Variants in HYDIN observed in about 807,000 individuals in gnomAD.
HYDIN encodes the protein axonemal central pair apparatus protein HYDIN.
HYDIN carries 132 observed loss-of-function variants against 403.9 expected under a neutral mutation model. The ratio of observed to expected loss-of-function variants is 0.33; its 90% CI spans 0.28 to 0.38. The LOEUF is 0.38. Ranked by LOEUF, HYDIN falls within the 10% of genes least tolerant of loss-of-function variation. The pLI is 1.00. For missense variants in HYDIN, 2,827 were observed against 5,009.5 expected (o/e 0.56, Z 13.15); for synonymous variants, 1,202 against 1,891.7 (o/e 0.64, Z 9.46).
At chr16:70,852,456 G>T (rs1353853709) in intron 73 of HYDIN, among the ~76,000 whole-genome samples, 1 of 114,560 alleles carries the variant, frequency 8.7e-6, no homozygotes, top group African/African-American at 3.9e-5. Flanking sequence ...AGATAATTTG[G>T]ACTTCATCAA....
At chr16:71,218,286 A>G (rs1457170484) in intron 1 of HYDIN, among the ~76,000 whole-genome samples, 1 of 152,204 alleles carries the variant, frequency 6.6e-6, no homozygotes, top group East Asian at 1.9e-4. Flanking sequence ...GAGAAGGGAT[A>G]ACTACTCCAT....
rs2040637227 is a variant in HYDIN, at chr16:70,879,381, G to A, written c.10473C>T (p.Pro3491=). 14 of 1,570,276 alleles carry A rather than the reference G, an allele frequency of 8.9e-6. No homozygotes were observed. The highest frequency in any genetic ancestry group is 1.2e-5 in the Non-Finnish European group (14 of 1,141,890). ...RPVLHNQYGN[P]LLLFKRLLLG... ...GGAGAAGCCTCTTAAAGAGGAGCAA[G>A]GGGTTTCCATATTGGTTATGAAGAA... Residue 3491 remains proline, a synonymous_variant, in exon 62 of 86, where the codon CCC becomes CCT. Transcript: ENST00000393567.
rs546009269 is a variant in HYDIN at position 71,067,914 on chromosome 16, A to G, written c.1975-524T>C. 3.3e-5 allele frequency among the ~76,000 whole-genome samples: 5 copies of G among 152,250 alleles called. No individual in the cohort carries two copies. In the East Asian group the frequency reaches 7.7e-4, roughly 24 times the overall value. The stretch of plus-strand genomic sequence containing the variant: ...CATTCTTTATTACAGCAGAAAATAG[A>G]AAGTTCCAAAGAAAGGTCTATTTGA... On this transcript the variant is annotated intron_variant, in intron 14 of 85. Coordinates refer to ENST00000393567, the MANE Select transcript of HYDIN (RefSeq NM_001270974.2).
intron 18 of HYDIN, among the ~76,000 whole-genome samples, chr16:71,059,082 A>G (rs1156671201): frequency 2.0e-5 from 3 of 152,228 alleles, no homozygotes; most frequent in Non-Finnish European, 4.4e-5. Flanking sequence ...GTAGGCTGTT[A>G]GCAGATAAGT....
chr16:70,944,494 C>G (rs1175800822), intron 41 of HYDIN, among the ~76,000 whole-genome samples: 2 of 152,100 alleles, frequency 1.3e-5, no homozygotes, highest in African/African-American at 4.8e-5. Context: ...ATCTTGGGAG[C>G]AGAGCCTTTC....
intron 1 of HYDIN, among the ~76,000 whole-genome samples, chr16:71,205,821 G>A (rs961474687): frequency 1.3e-5 from 2 of 152,024 alleles, no homozygotes; most frequent in Non-Finnish European, 2.9e-5. Flanking sequence ...CCCTGCCACT[G>A]GTAGCCAAGT....
chr16:71,141,138 A>G (rs1429181619), intron 7 of HYDIN, among the ~76,000 whole-genome samples: 1 of 150,578 alleles, frequency 6.6e-6, no homozygotes, highest in African/African-American at 2.4e-5. Context: ...GTGCATGAAG[A>G]GACAGATCAG....
chr16:71,085,212 G>A (rs1437583935), intron 12 of HYDIN, among the ~76,000 whole-genome samples: 5 of 82,820 alleles, frequency 6.0e-5, no homozygotes, highest in African/African-American at 1.9e-4. Flanking sequence ...GAATTTACCA[G>A]TGAAGCCACT....
At chr16:71,217,567 T>G (rs1010286846) in intron 1 of HYDIN, among the ~76,000 whole-genome samples, 1 of 152,222 alleles carries the variant, frequency 6.6e-6, no homozygotes, top group Non-Finnish European at 1.5e-5. Flanking sequence ...AATGTCCTTT[T>G]GCTGCAAATA....
intron 41 of HYDIN, among the ~76,000 whole-genome samples, chr16:70,951,248 C>CAG (rs376262243): frequency 0.49 from 64,419 of 130,164 alleles, 16,739 homozygotes; most frequent in Admixed American, 0.6. Flanking sequence ...GGAAAAGGGA[C>CAG]AGAGAGAGAG....
chr16:71,179,119 C>T, intron 3 of HYDIN, 72 bp from the exon 4 acceptor site: 1 of 1,153,190 alleles, frequency 8.7e-7, no homozygotes, highest in Non-Finnish European at 1.2e-6. Flanking sequence ...TAAGAAAATA[C>T]TACGTAGACC....
rs567708866 is a variant in HYDIN at position 71,157,645 on chromosome 16, T to C, written c.717-4862A>G. On this transcript the variant is annotated intron_variant, in intron 6 of 85. Coordinates refer to ENST00000393567, the MANE Select transcript of HYDIN (RefSeq NM_001270974.2). ...GACTTGAGGCAACTCACAGAATCAA[T>C]GATAGTTGAAAAACATGCATTTTGT... Among the ~76,000 whole-genome samples the C allele has an allele frequency of 2.0e-4, 31 of 152,258 alleles. No individual in the cohort carries two copies. In the South Asian group the frequency reaches 5.8e-3, roughly 28 times the overall value.
At chr16:71,000,005 T>TCTAA (rs2079651844) in intron 23 of HYDIN, among the ~76,000 whole-genome samples, 1 of 151,584 alleles carries the variant, frequency 6.6e-6, no homozygotes, top group Admixed American at 6.6e-5. Flanking sequence ...AAATCTCCCT[T>TCTAA]ATCAGCTTCA....
intron 53 of HYDIN, among the ~76,000 whole-genome samples, chr16:70,899,752 G>A (rs7186342): frequency 2.0e-5 from 3 of 152,284 alleles, no homozygotes; most frequent in East Asian, 1.9e-4. Context: ...GTTATTGCAC[G>A]TAAGAGGGAT....
intron 8 of HYDIN, among the ~76,000 whole-genome samples, chr16:71,134,444 C>A (rs2084834363): frequency 6.6e-6 from 1 of 152,246 alleles, no homozygotes; most frequent in African/African-American, 2.4e-5. Context: ...GAGAATAACG[C>A]CTGATTCAGC....
At chr16:70,916,774 T>A (rs2076852299) in intron 47 of HYDIN, among the ~76,000 whole-genome samples, 1 of 152,216 alleles carries the variant, frequency 6.6e-6, no homozygotes, top group Non-Finnish European at 1.5e-5. Context: ...TACAAAATAC[T>A]CCATAGTCTG....
chr16:70,901,359 C>T (rs1307977665), intron 52 of HYDIN, among the ~76,000 whole-genome samples, 157 bp from the exon 53 acceptor site: 2 of 151,544 alleles, frequency 1.3e-5, no homozygotes, highest in African/African-American at 2.4e-5. Context: ...TATTCCATCA[C>T]CCAGGTCCTA....
chr16:70,986,617 C>T (rs2079200970), intron 27 of HYDIN, among the ~76,000 whole-genome samples: 2 of 151,854 alleles, frequency 1.3e-5, no homozygotes, highest in African/African-American at 4.8e-5. Flanking sequence ...ATATGGTCTC[C>T]GAGTGCATAA....
intron 47 of HYDIN, among the ~76,000 whole-genome samples, chr16:70,916,857 C>T (rs1185531487): frequency 6.6e-6 from 1 of 151,734 alleles, no homozygotes; most frequent in East Asian, 1.9e-4. Context: ...TCCTTCCTTC[C>T]TTCCTTGCTT....
Sources: gnomAD v4.1 joint callset for allele counts (sites outside exome capture counted in the v4.1 genomes callset) on GRCh38, gnomAD v4.1.1 for gene constraint, MANE v1.5 for transcripts, NCBI Gene and HGNC (gene_info 2026-07-23, HGNC 2026-07-21) for gene names.